Variants in DNAL1 observed in about 807,000 individuals in gnomAD.
DNAL1 encodes the protein dynein axonemal light chain 1, also known as chromosome 14 open reading frame 168.
A neutral mutation model predicts 29.4 loss-of-function variants in DNAL1; 17 were observed. The observed-to-expected ratio is 0.58, with a 90% confidence interval of 0.40 to 0.87. DNAL1 has a LOEUF of 0.87. DNAL1 is among the 40% of genes least tolerant of loss of function. DNAL1 has a pLI of 0.00. For synonymous variants in DNAL1, 78 were observed against 76.3 expected, an observed-to-expected ratio of 1.02 and a Z score of -0.12; for missense variants, 188 against 214.1, an observed-to-expected ratio of 0.88 and a Z score of 0.76.
At chr14:73,645,240 G>T (rs1165305464) in intron 1 of DNAL1, among the ~76,000 whole-genome samples, 198 bp downstream of exon 1, 1 of 152,196 alleles carries the variant, frequency 6.6e-6, no homozygotes, top group Non-Finnish European at 1.5e-5. Flanking sequence ...GCGGCCTGGG[G>T]TGGATCGGAG....
At chr14:73,661,922 A>G in intron 3 of DNAL1, 65 bp from the exon 4 acceptor site, 1 of 1,091,966 alleles carries the variant, frequency 9.2e-7, no homozygotes, top group African/African-American at 1.6e-5. Context: ...CACTAGTGTT[A>G]AGGAATAATT....
intron 6 of DNAL1, among the ~76,000 whole-genome samples, chr14:73,687,759 G>A (rs2140058836): frequency 1.3e-5 from 2 of 152,172 alleles, no homozygotes; most frequent in South Asian, 4.2e-4. Flanking sequence ...TGTAGTCCCA[G>A]CTACTCGGGA....
chr14:73,667,317 T>C (rs1318080226), intron 4 of DNAL1, among the ~76,000 whole-genome samples: 2 of 151,842 alleles, frequency 1.3e-5, no homozygotes, highest in Non-Finnish European at 1.5e-5. Context: ...CAAAAAAAAT[T>C]AGCCAGGCAT....
intron 7 of DNAL1, among the ~76,000 whole-genome samples, chr14:73,689,919 C>G (rs925110980): frequency 6.6e-6 from 1 of 151,680 alleles, no homozygotes; most frequent in Non-Finnish European, 1.5e-5. Flanking sequence ...ACCTGTAATC[C>G]CAGCTACTCG....
rs781010984 is a variant in DNAL1 at position 73,695,957 on chromosome 14, C to T, written c.*15C>T. On this transcript the variant is annotated 3_prime_UTR_variant, in exon 8 of 8. Transcript: ENST00000553645. ...AAGACAACTAATGCCACGCTTTCCA[C>T]TGTGTGTTAACTTATTTAAATGTCA... The T allele has an allele frequency of 7.0e-6, 11 of 1,580,732 alleles. No homozygotes were observed. The highest frequency in any genetic ancestry group is 8.6e-6 in the Non-Finnish European group (10 of 1,161,086).
intron 1 of DNAL1, among the ~76,000 whole-genome samples, chr14:73,646,630 C>T (rs1030453588): frequency 2.6e-5 from 4 of 152,038 alleles, no homozygotes; most frequent in South Asian, 2.1e-4. Context: ...GGCATGGTGG[C>T]GAGTGGCTGT....
At chr14:73,667,119 A>G (rs1231621078) in intron 4 of DNAL1, among the ~76,000 whole-genome samples, 2 of 151,518 alleles carry the variant, frequency 1.3e-5, no homozygotes, top group Non-Finnish European at 2.9e-5. Context: ...GGGATATCTA[A>G]CAGACATCTC....
rs535993021 is a variant in DNAL1 at position 73,695,825 on chromosome 14, G to A, written c.533-77G>A. On this transcript the variant is annotated intron_variant, in intron 7 of 7. Coordinates refer to ENST00000553645, the MANE Select transcript of DNAL1 (RefSeq NM_031427.4). The stretch of plus-strand genomic sequence containing the variant: ...ATTACAGGCGTGAGCCACCGTGCCC[G>A]GCCAGGAAAATATTTTCATCTAGAA... 484 of 1,329,184 alleles carry A rather than the reference G, an allele frequency of 3.6e-4. 1 individual carries two copies. Among genetic ancestry groups the A allele is most frequent in the Middle Eastern group, 8.6e-4 (4 of 4,648 alleles). 82.3% of individuals were successfully genotyped at this position (1,329,184 alleles called of 1,614,324 possible). A position where few individuals can be genotyped will look rare whatever the true frequency, so the allele number is the denominator to read the frequency against.
At chr14:73,664,696 C>T (rs1382750657) in intron 4 of DNAL1, among the ~76,000 whole-genome samples, 2 of 151,868 alleles carry the variant, frequency 1.3e-5, no homozygotes, top group Admixed American at 6.6e-5. Flanking sequence ...TAGCGAGACC[C>T]CCATCTCTAC....
intron 2 of DNAL1, among the ~76,000 whole-genome samples, chr14:73,658,538 A>G (rs1891267168): frequency 6.6e-6 from 1 of 152,152 alleles, no homozygotes; most frequent in Admixed American, 6.6e-5. Flanking sequence ...CATGAATATG[A>G]GATATCTTTG....
chr14:73,682,422 C>T (rs143077399), intron 5 of DNAL1, among the ~76,000 whole-genome samples: 5,186 of 148,062 alleles, frequency 0.035, 327 homozygotes, highest in African/African-American at 0.12. Flanking sequence ...CTCCTGGCCT[C>T]AAGTGATCTG....
At chr14:73,655,013 G>C in intron 2 of DNAL1, 128 bp downstream of exon 2, 1 of 923,242 alleles carries the variant, frequency 1.1e-6, no homozygotes. Flanking sequence ...CTTGTCTATG[G>C]TGGTGGATGC....
intron 1 of DNAL1, among the ~76,000 whole-genome samples, chr14:73,647,217 T>C (rs1174708135): frequency 1.3e-5 from 2 of 151,392 alleles, no homozygotes; most frequent in African/African-American, 4.9e-5. Flanking sequence ...AAAAAGAAAT[T>C]AGCCAGGCGT....
intron 7 of DNAL1, among the ~76,000 whole-genome samples, chr14:73,690,750 C>T (rs1892154970): frequency 6.6e-6 from 1 of 151,514 alleles, no homozygotes; most frequent in Admixed American, 6.6e-5. Context: ...GAAAAATAAA[C>T]TTCTAGCTCA....
At chr14:73,684,482 C>T (rs184466514) in intron 5 of DNAL1, among the ~76,000 whole-genome samples, 1 of 152,250 alleles carries the variant, frequency 6.6e-6, no homozygotes, top group Admixed American at 6.5e-5. Flanking sequence ...TACCTACCAA[C>T]AATTCTTAAC....
At chr14:73,655,755 G>A (rs1050493595) in intron 2 of DNAL1, among the ~76,000 whole-genome samples, 3 of 151,994 alleles carry the variant, frequency 2.0e-5, no homozygotes, top group African/African-American at 7.3e-5. Flanking sequence ...TTTTAGCCTC[G>A]TGGAGGTTAG....
chr14:73,666,749 G>A (rs1403126917), intron 4 of DNAL1, among the ~76,000 whole-genome samples: 3 of 152,078 alleles, frequency 2.0e-5, no homozygotes, highest in African/African-American at 7.2e-5. Context: ...CAATTGCTGA[G>A]GTCATTTCTC....
In DNAL1 at chr14:73,669,338, G is replaced by A. The variant is rs553858319; in HGVS notation, c.209-2204G>A. Reference sequence around the variant, plus strand: ...TGTCACCAGGCTAGAGTGCAGTGGCGCAATCTTGGCTCACTGTGACCTCCG... The same window carrying A: ...TGTCACCAGGCTAGAGTGCAGTGGCACAATCTTGGCTCACTGTGACCTCCG... On this transcript the variant is annotated intron_variant, in intron 4 of 7. Coordinates refer to ENST00000553645, the MANE Select transcript of DNAL1 (RefSeq NM_031427.4). Among the ~76,000 whole-genome samples the A allele has an allele frequency of 1.5e-4, 23 of 151,618 alleles. No homozygotes were observed. The South Asian group carries it at 3.8e-3, about 25-fold the overall frequency.
chr14:73,660,351 A>G (rs1891315040), intron 3 of DNAL1, among the ~76,000 whole-genome samples: 1 of 152,214 alleles, frequency 6.6e-6, no homozygotes, highest in Admixed American at 6.6e-5. Flanking sequence ...AGGCAATTAT[A>G]CCACGTTGCC....
Sources: gnomAD v4.1 joint callset for allele counts (sites outside exome capture counted in the v4.1 genomes callset) on GRCh38, gnomAD v4.1.1 for gene constraint, MANE v1.5 for transcripts, NCBI Gene and HGNC (gene_info 2026-07-23, HGNC 2026-07-21) for gene names.